The following TTLL4 variants were observed in gnomAD, a reference collection of about 807,000 sequenced individuals.
TTLL4 encodes tubulin tyrosine ligase like 4.
Under a neutral mutation model 122.7 loss-of-function variants are expected in TTLL4, and 85 were observed. The observed-to-expected ratio is 0.69, with a 90% CI of 0.58 to 0.83. The LOEUF is 0.83. Among genes scored for constraint, TTLL4 ranks in the 40% least tolerant of loss-of-function variants. The pLI is 0.00. For synonymous variants in TTLL4, 553 were observed against 563.0 expected (o/e 0.98, Z 0.25); for missense variants, 1,363 against 1,488.6 (o/e 0.92, Z 1.39).
chr2:218,736,462 A>G (rs1942525927), intron 2 of TTLL4: 2 of 152,192 alleles, frequency 1.3e-5, no homozygotes, highest in African/African-American at 2.4e-5. Context: ...AGAAGATGCA[A>G]AAGAGACAGG....
chr2:218,746,417 C>T (rs1942844949), intron 8 of TTLL4, 186 bp downstream of exon 8: 1 of 615,560 alleles, frequency 1.6e-6, no homozygotes, highest in Non-Finnish European at 2.9e-6. Flanking sequence ...CGTACATCTC[C>T]AGTTCAGCTG....
At chr2:218,726,185 T>C (rs1020571271) in intron 1 of TTLL4, among the ~76,000 whole-genome samples, 1 of 152,188 alleles carries the variant, frequency 6.6e-6, no homozygotes, top group Non-Finnish European at 1.5e-5. Flanking sequence ...CTGGATACAG[T>C]ATTCTTGGAG....
At chr2:218,758,909 A>G (rs1943195030), downstream of TTLL4, among the ~76,000 whole-genome samples, 1 of 152,250 alleles carries the variant, frequency 6.6e-6, no homozygotes, top group Admixed American at 6.5e-5. Flanking sequence ...GAATTAACAA[A>G]TTGTGATATC....
At position 218,747,409 on chromosome 2, in the gene TTLL4, C is replaced by T. The variant is rs1942874957; in HGVS notation, c.2249+37C>T. 1 of 1,606,484 alleles carries T rather than the reference C, an allele frequency of 6.2e-7. No individual in the cohort carries two copies. The highest frequency in any genetic ancestry group is 1.1e-5 in the South Asian group (1 of 90,508). On this transcript the variant is annotated intron_variant, in intron 10 of 19. Transcript: ENST00000392102. The surrounding 1 kb of genome is among the most constrained non-coding windows in gnomAD (Gnocchi z 4.7). ...GCACATATCCCTTACCCCATCCTCC[C>T]ACCTCCTTGGCCTCGAGGTTCCCTT...
At position 218,737,803 on chromosome 2, in the gene TTLL4, C is replaced by A; in HGVS notation, c.127C>A (p.Pro43Thr). The A allele has an allele frequency of 1.9e-6, 3 of 1,614,226 alleles. No individual in the cohort carries two copies. In the South Asian group the frequency reaches 3.3e-5, roughly 18 times the overall value. Residue 43 changes from proline (P) to threonine (T), a missense_variant, in exon 3 of 20, where the codon CCT (proline) becomes ACT (threonine). Coordinates refer to ENST00000392102, the MANE Select transcript of TTLL4 (RefSeq NM_014640.5). Reference protein sequence around the residue: ...PEKPSEGRVWPQAHQQVKPIW... With the variant: ...PEKPSEGRVWTQAHQQVKPIW... Reference sequence around the variant, plus strand: ...GAAACCCTCGGAGGGCAGAGTCTGGCCTCAGGCCCATCAGCAAGTGAAGCC... The same window carrying A: ...GAAACCCTCGGAGGGCAGAGTCTGGACTCAGGCCCATCAGCAAGTGAAGCC...
At chr2:218,735,980 T>C (rs1228144936) in intron 2 of TTLL4, among the ~76,000 whole-genome samples, 1 of 144,596 alleles carries the variant, frequency 6.9e-6, no homozygotes, top group Admixed American at 6.8e-5. Context: ...TTTTTTTTTT[T>C]TTTTTTTTTT....
chr2:218,729,958 GTTCTCAAA>G (rs1942320047), intron 2 of TTLL4, among the ~76,000 whole-genome samples: 1 of 152,008 alleles, frequency 6.6e-6, no homozygotes, highest in Non-Finnish European at 1.5e-5. Context: ...TGCTCAGGCT[GTTCTCAAA>G]CTCATGGTCT....
rs1303308653 is a variant in TTLL4, at chr2:218,729,763, C to CA, written c.-99+2430dup. 4.0e-3 allele frequency among the ~76,000 whole-genome samples: 517 copies of CA among 129,756 alleles called. 5 individuals are homozygous for CA. Among genetic ancestry groups the CA allele is most frequent in the South Asian group, 7.2e-3 (28 of 3,870 alleles). 85.1% of individuals were successfully genotyped at this position (129,756 alleles called of 152,430 possible). A position where few individuals can be genotyped will look rare whatever the true frequency, so the allele number is the denominator to read the frequency against. ...TCTCTCTTTTTAAAAAAAAAAAAAA[C>CA]AAAAAAAAAAAAAACAGGATCTTAT... On this transcript the variant is annotated intron_variant, in intron 2 of 19. Coordinates refer to ENST00000392102, the MANE Select transcript of TTLL4 (RefSeq NM_014640.5).
chr2:218,750,243 G>T, intron 15 of TTLL4, 97 bp downstream of exon 15: 1 of 1,502,140 alleles, frequency 6.7e-7, no homozygotes, highest in Non-Finnish European at 8.9e-7. Flanking sequence ...CTTCTGCCAG[G>T]TTCCCCTTGC....
intron 1 of TTLL4, among the ~76,000 whole-genome samples, chr2:218,720,628 C>G (rs970561689): frequency 6.7e-6 from 1 of 148,582 alleles, no homozygotes; most frequent in Non-Finnish European, 1.5e-5. Flanking sequence ...GAGCCGAGAT[C>G]GTACCATTGC....
At chr2:218,719,598 C>T (rs974679539) in intron 1 of TTLL4, among the ~76,000 whole-genome samples, 3 of 150,688 alleles carry the variant, frequency 2.0e-5, no homozygotes, top group African/African-American at 4.9e-5. Flanking sequence ...GATTAAGGGT[C>T]GACTATGGAG....
In TTLL4 at chr2:218,754,312, T is replaced by A. The variant is rs1943106217; in HGVS notation, c.3523T>A (p.Ser1175Thr). Residue 1175 changes from serine (S) to threonine (T), a missense_variant, in exon 20 of 20, where the codon TCT becomes ACT. By Grantham distance (58) the Ser-to-Thr change is moderately conservative. Coordinates refer to ENST00000392102, the MANE Select transcript of TTLL4 (RefSeq NM_014640.5). ...STQTLPVIKC[S>T]GQTSRLSASS... ...CCAGACGTTACCTGTGATCAAGTGC[T>A]CTGGGCAGACTTCAAGACTTTCTGC... 1.2e-6 allele frequency: 2 copies of A among 1,614,198 alleles called. No homozygotes were observed. Among genetic ancestry groups the A allele is most frequent in the Non-Finnish European group, 1.7e-6 (2 of 1,180,036 alleles).
In TTLL4 at chr2:218,753,649, A is replaced by G; in HGVS notation, c.3324A>G (p.Lys1108=). ...ACGTGATACTCAATGCCTTCAGCAAATCAGAGACTAGCAAGCTGGGGTGAG... is the reference window on the plus strand; with the variant it reads ...ACGTGATACTCAATGCCTTCAGCAAGTCAGAGACTAGCAAGCTGGGGTGAG... ...KDDVILNAFS[K]SETSKLGKQS... is the part of the protein sequence containing the mutation. The change falls in exon 19 of 20, where the codon AAA becomes AAG. Residue 1108 remains lysine (K), a synonymous_variant. Transcript: ENST00000392102. The G allele has an allele frequency of 6.2e-7, 1 of 1,614,098 alleles. No individual in the cohort carries two copies. The highest frequency in any genetic ancestry group is 8.5e-7 in the Non-Finnish European group (1 of 1,180,032).
Position 218,737,993 on chromosome 2 carries a change from A to G in TTLL4, c.317A>G (p.His106Arg), listed in dbSNP as rs1338657844. The G allele has an allele frequency of 6.2e-7, 1 of 1,613,014 alleles. No individual in the cohort carries two copies. The highest frequency in any genetic ancestry group is 1.7e-5 in the Admixed American group (1 of 59,846). The change falls in exon 3 of 20, where the codon CAC (histidine) becomes CGC (arginine). Residue 106 changes from histidine to arginine, a missense_variant. Physicochemically the swap from His to Arg is conservative, Grantham distance 29. Transcript: ENST00000392102. ...IAGHSSSCYL[H>R]SLPDLFNSTL... ...GGCCACAGCAGTTCCTGTTACCTAC[A>G]CTCTCTCCCGGACTTGTTCAACAGC...
At chr2:218,724,960 C>T (rs942432175) in intron 1 of TTLL4, among the ~76,000 whole-genome samples, 9 of 152,130 alleles carry the variant, frequency 5.9e-5, no homozygotes, top group Admixed American at 2.6e-4. Context: ...AGTGCAGTGG[C>T]GTGATCATGG....
At chr2:218,731,892 T>A (rs1394317112) in intron 2 of TTLL4, among the ~76,000 whole-genome samples, 1 of 152,248 alleles carries the variant, frequency 6.6e-6, no homozygotes, top group Non-Finnish European at 1.5e-5. Flanking sequence ...TGTTTTCTTC[T>A]AAACTTGAAC....
intron 16 of TTLL4, 27 bp downstream of exon 16, chr2:218,751,833 C>G: frequency 1.3e-6 from 2 of 1,584,572 alleles, no homozygotes; most frequent in Non-Finnish European, 1.7e-6. Flanking sequence ...CCCCCCAGTG[C>G]TAGCAGAAAA....
chr2:218,746,856 C>T (rs917954503), intron 8 of TTLL4, 147 bp from the exon 9 acceptor site: 1 of 798,990 alleles, frequency 1.3e-6, no homozygotes, highest in Non-Finnish European at 2.0e-6. Context: ...CAGTTGGATA[C>T]TTGAGGACCA....
intron 1 of TTLL4, among the ~76,000 whole-genome samples, chr2:218,715,734 A>G (rs1190959590): frequency 1.3e-5 from 2 of 151,790 alleles, no homozygotes; most frequent in Admixed American, 6.6e-5. Flanking sequence ...CGTTCACGCC[A>G]TTCTCCTGCC....
Sources: gnomAD v4.1 joint callset for allele counts (sites outside exome capture counted in the v4.1 genomes callset) on GRCh38, gnomAD v4.1.1 for gene constraint, Gnocchi (gnomAD v3.1) non-coding constraint, MANE v1.5 for transcripts, NCBI Gene and HGNC (gene_info 2026-07-23, HGNC 2026-07-21) for gene names.